Variants in CACNA1C observed in about 807,000 individuals in gnomAD.
The protein encoded by CACNA1C is voltage-dependent L-type calcium channel subunit alpha-1C.
Under a neutral mutation model 229.0 loss-of-function variants are expected in CACNA1C, and 30 were observed. That is an observed-to-expected ratio of 0.13 (90% CI 0.10 to 0.18). The LOEUF (loss-of-function observed/expected upper bound fraction) is 0.18, where lower values mean the gene tolerates loss of function less well. Ranked by LOEUF, CACNA1C falls within the 10% of genes least tolerant of loss-of-function variation. CACNA1C has a pLI of 1.00. For missense variants in CACNA1C, 1,658 were observed against 2,845.0 expected, an observed-to-expected ratio of 0.58 and a Z score of 9.49; for synonymous variants, 1,114 against 1,132.5, an observed-to-expected ratio of 0.98 and a Z score of 0.33.
rs563596487 is a variant in CACNA1C, at chr12:2,653,339, A to G, written c.4075-496A>G. Among the ~76,000 whole-genome samples, 3 of 152,292 alleles carry G rather than the reference A, an allele frequency of 2.0e-5. No individual in the cohort carries two copies. In the East Asian group the frequency reaches 5.8e-4, roughly 29 times the overall value. On this transcript the variant is annotated intron_variant, in intron 32 of 46. Transcript: ENST00000399655. The surrounding 1 kb of genome is among the most constrained non-coding windows in gnomAD (Gnocchi z 4.7). The stretch of plus-strand genomic sequence containing the variant: ...AGAAAGTGGCAGAAACAGGATTTGA[A>G]CCCATGATCTTTCTTTTAAATTTTT...
chr12:2,500,230 G>A (rs1342995335), intron 7 of CACNA1C, among the ~76,000 whole-genome samples: 4 of 152,206 alleles, frequency 2.6e-5, no homozygotes, highest in Non-Finnish European at 5.9e-5. Flanking sequence ...CGGCGAGGGG[G>A]ACCCATGAGT....
At chr12:2,049,692 G>C (rs1406090809), upstream of CACNA1C, among the ~76,000 whole-genome samples, 1 of 152,130 alleles carries the variant, frequency 6.6e-6, no homozygotes, top group Non-Finnish European at 1.5e-5. Context: ...GCAGAAAGAG[G>C]GCACACATGA....
At chr12:2,238,685 G>A (rs2068510539) in intron 3 of CACNA1C, among the ~76,000 whole-genome samples, 1 of 152,214 alleles carries the variant, frequency 6.6e-6, no homozygotes, top group Non-Finnish European at 1.5e-5. Context: ...GTGGTTCTTT[G>A]TCCAAGGAGA....
intron 3 of CACNA1C, among the ~76,000 whole-genome samples, chr12:2,311,942 AT>A (rs1477715281): frequency 6.6e-6 from 1 of 152,214 alleles, no homozygotes; most frequent in Non-Finnish European, 1.5e-5. Flanking sequence ...TATCCCCCAA[AT>A]AAAAGAGCAG....
intron 9 of CACNA1C, among the ~76,000 whole-genome samples, chr12:2,518,813 T>G (rs888115918): frequency 1.3e-5 from 2 of 152,162 alleles, no homozygotes; most frequent in Non-Finnish European, 2.9e-5. Flanking sequence ...TGCCAGGCCA[T>G]GAAGTGAGAG....
chr12:2,093,480 G>T (rs956287659), intron 1 of CACNA1C, among the ~76,000 whole-genome samples: 3 of 152,258 alleles, frequency 2.0e-5, no homozygotes, highest in African/African-American at 7.2e-5. Context: ...GCCATGAGCT[G>T]CACAGATGGA....
Position 2,444,353 on chromosome 12 carries a change from GA to G in CACNA1C, c.478-4622del, listed in dbSNP as rs1260540356. 2.0e-5 allele frequency among the ~76,000 whole-genome samples: 3 copies of G among 152,270 alleles called. No individual in the cohort carries two copies. The East Asian group carries it at 5.8e-4, about 29-fold the overall frequency. ...AGTTTCTTTCTCTCCCAGACTTCAT[GA>G]TTTTAAGAGAGGTCCTGTAACTTCT... is the stretch of plus-strand genomic sequence containing the variant. On this transcript the variant is annotated intron_variant, in intron 3 of 46. Transcript: ENST00000399655.
intron 1 of CACNA1C, chr12:2,004,364 C>T (rs778631240): frequency 3.7e-6 from 6 of 1,613,156 alleles, no homozygotes; most frequent in South Asian, 2.2e-5. Flanking sequence ...GGGGTCGTGG[C>T]GCTGCAGGGC....
chr12:2,614,495 A>G (rs2079442638), intron 29 of CACNA1C: 1 of 152,252 alleles, frequency 6.6e-6, no homozygotes, highest in Non-Finnish European at 1.5e-5. Context: ...AAGCAGCTCC[A>G]AAATTTTCAG....
At chr12:2,041,506 G>C (rs2050105714) in intron 1 of CACNA1C, among the ~76,000 whole-genome samples, 1 of 151,988 alleles carries the variant, frequency 6.6e-6, no homozygotes, top group South Asian at 2.1e-4. Flanking sequence ...TCGATCTCCT[G>C]ACCTCGTGAT....
At position 2,633,305 on chromosome 12, in the gene CACNA1C, G is replaced by A. The variant is rs1602949558; in HGVS notation, c.3829-992G>A. On this transcript the variant is annotated intron_variant, in intron 29 of 46. Transcript: ENST00000399655. The surrounding 1 kb of genome is among the most constrained non-coding windows in gnomAD (Gnocchi z 5.8). ...TAGTAGCCACATCCTGCCGCCTGGC[G>A]ATTTGCACCACCCACGCCCCCCACA... 6.6e-6 allele frequency among the ~76,000 whole-genome samples: 1 copy of A among 152,226 alleles called. No individual in the cohort carries two copies. The highest frequency in any genetic ancestry group is 1.5e-5 in the Non-Finnish European group (1 of 68,000).
intron 3 of CACNA1C, among the ~76,000 whole-genome samples, chr12:2,415,118 A>G (rs2098855687): frequency 6.6e-6 from 1 of 152,202 alleles, no homozygotes; most frequent in African/African-American, 2.4e-5. Context: ...AGGTTCTGTC[A>G]GGGTGGCGAG....
At chr12:2,587,168 C>G (rs2062849417) in intron 18 of CACNA1C, among the ~76,000 whole-genome samples, 1 of 151,320 alleles carries the variant, frequency 6.6e-6, no homozygotes, top group African/African-American at 2.4e-5. Flanking sequence ...TGGCCAGAGT[C>G]TAAATGTTTA....
chr12:2,515,513 C>T (rs1238170844), intron 9 of CACNA1C, among the ~76,000 whole-genome samples: 2 of 152,188 alleles, frequency 1.3e-5, no homozygotes, highest in East Asian at 3.8e-4. Context: ...TTCTAAAAGA[C>T]TATAGTATGG....
At chr12:2,433,451 G>T (rs898359473) in intron 3 of CACNA1C, among the ~76,000 whole-genome samples, 1 of 152,114 alleles carries the variant, frequency 6.6e-6, no homozygotes, top group Non-Finnish European at 1.5e-5. Context: ...GCCCTTCTCT[G>T]CCTCCATTCA....
At chr12:2,099,571 A>G (rs1034853092) in intron 1 of CACNA1C, among the ~76,000 whole-genome samples, 1 of 152,168 alleles carries the variant, frequency 6.6e-6, no homozygotes, top group East Asian at 1.9e-4. Context: ...TTGGAAGTAT[A>G]CTTAAGCAAC....
intron 3 of CACNA1C, among the ~76,000 whole-genome samples, chr12:2,423,136 C>T (rs541639184): frequency 6.6e-6 from 1 of 151,794 alleles, no homozygotes; most frequent in South Asian, 2.1e-4. Context: ...ACCCTAGAAT[C>T]GTGTGATCCT....
intron 2 of CACNA1C, 32 bp downstream of exon 2, chr12:2,115,577 C>T (rs1431331407): frequency 3.7e-6 from 6 of 1,604,970 alleles, no homozygotes; most frequent in African/African-American, 1.3e-5. Flanking sequence ...GGGCATGCTC[C>T]TGGGACCTGC....
chr12:2,180,908 G>A (rs1019331004), intron 3 of CACNA1C, among the ~76,000 whole-genome samples: 2 of 152,170 alleles, frequency 1.3e-5, no homozygotes, highest in Non-Finnish European at 2.9e-5. Context: ...CACGCATCCT[G>A]CCCTCTGGGG....
Sources: gnomAD v4.1 joint callset for allele counts (sites outside exome capture counted in the v4.1 genomes callset) on GRCh38, gnomAD v4.1.1 for gene constraint, Gnocchi (gnomAD v3.1) non-coding constraint, MANE v1.5 for transcripts, NCBI Gene and HGNC (gene_info 2026-07-23, HGNC 2026-07-21) for gene names.